Variants in TAF15 observed in about 807,000 individuals in gnomAD.
The protein encoded by TAF15 is TATA-box binding protein associated factor 15, also known as TATA-binding protein-associated factor 2N.
TAF15 carries 37 observed loss-of-function variants against 102.5 expected under a neutral mutation model. The ratio of observed to expected loss-of-function variants is 0.36; its 90% CI spans 0.28 to 0.47. The LOEUF is 0.47. Among genes scored for constraint, TAF15 ranks in the 20% least tolerant of loss-of-function variants. The pLI, the probability that TAF15 is intolerant of heterozygous loss-of-function variation, is 0.99. For synonymous variants in TAF15, 273 were observed against 259.2 expected (o/e 1.05, Z -0.51); for missense variants, 652 against 760.7 (o/e 0.86, Z 1.68).
chr17:35,817,902 G>A, intron 2 of TAF15, 147 bp downstream of exon 2: 3 of 726,528 alleles, frequency 4.1e-6, no homozygotes, highest in Non-Finnish European at 7.2e-6. Flanking sequence ...AATAGGTGCT[G>A]TAAGACATTT....
chr17:35,831,375 C>T (rs1427818062), intron 7 of TAF15, among the ~76,000 whole-genome samples: 1 of 150,498 alleles, frequency 6.6e-6, no homozygotes, highest in Non-Finnish European at 1.5e-5. Context: ...CCACTGCACT[C>T]CAGCCTGGGC....
At chr17:35,816,951 C>T (rs2087203082) in intron 1 of TAF15, 1 of 151,128 alleles carries the variant, frequency 6.6e-6, no homozygotes, top group East Asian at 2.0e-4. Flanking sequence ...TCTCGAGTAG[C>T]TGGGACTACA....
At chr17:35,845,110 T>G in intron 15 of TAF15, 72 bp downstream of exon 15, 1 of 1,595,794 alleles carries the variant, frequency 6.3e-7, no homozygotes, top group Non-Finnish European at 8.6e-7. Context: ...AACCACATTT[T>G]AACAATTTTT....
At chr17:35,817,538 T>C (rs549551764) in intron 1 of TAF15, among the ~76,000 whole-genome samples, 178 bp from the exon 2 acceptor site, 2 of 152,340 alleles carry the variant, frequency 1.3e-5, no homozygotes, top group Admixed American at 1.3e-4. Flanking sequence ...ACGTAGTTAT[T>C]GTAAAAAGTA....
chr17:35,813,194 C>T (rs937737724), intron 1 of TAF15, among the ~76,000 whole-genome samples: 6 of 145,568 alleles, frequency 4.1e-5, no homozygotes, highest in Admixed American at 2.1e-4. Flanking sequence ...TCAAGTAAAA[C>T]GTTTAGAATT....
At chr17:35,843,493 C>T (rs536465170) in intron 12 of TAF15, among the ~76,000 whole-genome samples, 2 of 152,250 alleles carry the variant, frequency 1.3e-5, no homozygotes, top group East Asian at 1.9e-4. Context: ...GTGGATGTTA[C>T]TGTGGCCTTT....
In TAF15 at chr17:35,844,746, C is replaced by G. The variant is rs368600342; in HGVS notation, c.1447C>G (p.Arg483Gly). 3.7e-5 allele frequency: 59 copies of G among 1,605,126 alleles called. No homozygotes were observed. Among genetic ancestry groups the G allele is most frequent in the African/African-American group, 9.6e-5 (7 of 72,664 alleles). ...CCGAGGAGGTGGCTATGGAGGAGAT[C>G]GAGGTGGCTATGGAGGAGACCGAGG... ...GDRGGGYGGDRGGYGGDRGGG... is the reference protein window; with the variant it reads ...GDRGGGYGGDGGGYGGDRGGG... The change falls in exon 15 of 16, where the codon CGA becomes GGA. Residue 483 changes from arginine (R) to glycine (G), a missense_variant. Physicochemically the swap from Arg to Gly is moderately radical, Grantham distance 125 (BLOSUM62 -2). Transcript: ENST00000605844.
chr17:35,814,034 G>A (rs1274021402), intron 1 of TAF15, among the ~76,000 whole-genome samples: 4 of 151,450 alleles, frequency 2.6e-5, no homozygotes, highest in Non-Finnish European at 5.9e-5. Flanking sequence ...TAAGAGTAGC[G>A]GGGACTGACA....
intron 15 of TAF15, among the ~76,000 whole-genome samples, chr17:35,845,814 CTTTA>C (rs376333843): frequency 2.1e-3 from 319 of 152,304 alleles, no homozygotes; most frequent in African/African-American, 7.1e-3. Flanking sequence ...ATTCATAAAT[CTTTA>C]TTTGTTTCGG....
In TAF15 at chr17:35,844,098, G is replaced by A. The variant is rs769954060; in HGVS notation, c.1028G>A (p.Arg343His). 24 of 1,614,028 alleles carry A rather than the reference G, an allele frequency of 1.5e-5. No homozygotes were observed. In the African/African-American group the frequency reaches 1.9e-4, roughly 13 times the overall value. Residue 343 changes from arginine to histidine, a missense_variant, in exon 13 of 16, where the codon CGT becomes CAT. By Grantham distance (29) the Arg-to-His change is conservative. Transcript: ENST00000605844. Reference sequence around the variant, plus strand: ...CTAGGCCGTGGAGGATATAGAGGTCGTGGAGGCTTTCAAGGGAGAGGTGGA... The same window carrying A: ...CTAGGCCGTGGAGGATATAGAGGTCATGGAGGCTTTCAAGGGAGAGGTGGA... Reference protein sequence around the residue: ...GRRGRGGYRGRGGFQGRGGDP... With the variant: ...GRRGRGGYRGHGGFQGRGGDP...
chr17:35,822,632 C>G lies in TAF15; in HGVS notation c.291-8C>G. 1 of 1,612,434 alleles carries G rather than the reference C, an allele frequency of 6.2e-7. No individual in the cohort carries two copies. Among genetic ancestry groups the G allele is most frequent in the Non-Finnish European group, 8.5e-7 (1 of 1,178,992 alleles). ...ATGAAGTCTCTTAAGTTCTCCATTT[C>G]TATTTAGCCAAGGTGGAAGAGCACC... is the stretch of plus-strand genomic sequence containing the variant. On this transcript the variant is annotated splice_polypyrimidine_tract_variant and splice_region_variant and intron_variant, in intron 5 of 15. Coordinates refer to ENST00000605844, the MANE Select transcript of TAF15 (RefSeq NM_139215.3).
Position 35,837,965 on chromosome 17 carries a change from A to G in TAF15, c.784-459A>G, listed in dbSNP as rs377244325. On this transcript the variant is annotated intron_variant, in intron 10 of 15. Transcript: ENST00000605844. ...CACTTTGGGAGGCTGAGGCAGGAGGATCGCTTGAGGCCAAGGGTTTGAGAC... is the reference window on the plus strand; with the variant it reads ...CACTTTGGGAGGCTGAGGCAGGAGGGTCGCTTGAGGCCAAGGGTTTGAGAC... 5.3e-5 allele frequency among the ~76,000 whole-genome samples: 8 copies of G among 151,872 alleles called. No homozygotes were observed. The East Asian group carries it at 1.6e-3, about 30-fold the overall frequency.
chr17:35,819,592 A>G lies in TAF15; in HGVS notation c.48-432A>G, dbSNP rs567565344. 3.3e-5 allele frequency among the ~76,000 whole-genome samples: 5 copies of G among 152,298 alleles called. No individual in the cohort carries two copies. The Middle Eastern group carries it at 0.01, about 311-fold the overall frequency. ...AGTTAAAGCCATTTAACTAAGGCAAATGGTGGGAAAAAATTAATCTGTCAA... is the reference window on the plus strand; with the variant it reads ...AGTTAAAGCCATTTAACTAAGGCAAGTGGTGGGAAAAAATTAATCTGTCAA... On this transcript the variant is annotated intron_variant, in intron 2 of 15. Transcript: ENST00000605844.
intron 11 of TAF15, among the ~76,000 whole-genome samples, chr17:35,841,460 A>G (rs912937454): frequency 2.6e-5 from 4 of 151,882 alleles, no homozygotes; most frequent in African/African-American, 9.7e-5. Context: ...GGGAACAGGT[A>G]GACATGTGCA....
At chr17:35,841,340 G>A (rs972852773) in intron 11 of TAF15, among the ~76,000 whole-genome samples, 2 of 152,122 alleles carry the variant, frequency 1.3e-5, no homozygotes, top group East Asian at 3.8e-4. Context: ...ACTTGCGCAC[G>A]TATTCATTCC....
chr17:35,844,016 C>T, intron 12 of TAF15, 61 bp from the exon 13 acceptor site: 1 of 1,432,788 alleles, frequency 7.0e-7, no homozygotes, highest in East Asian at 2.3e-5. Flanking sequence ...TTATCTGATG[C>T]TTTTCTTCTG....
intron 10 of TAF15, among the ~76,000 whole-genome samples, chr17:35,837,108 A>G (rs1030383001): frequency 1.3e-5 from 2 of 151,646 alleles, no homozygotes; most frequent in African/African-American, 4.8e-5. Flanking sequence ...GGGAGTTATA[A>G]TTTGTTAAGG....
chr17:35,840,696 T>C (rs898132357), intron 11 of TAF15, among the ~76,000 whole-genome samples: 2 of 151,868 alleles, frequency 1.3e-5, no homozygotes, highest in Admixed American at 6.6e-5. Context: ...AAATCCCATC[T>C]CTACTAAAAA....
intron 7 of TAF15, among the ~76,000 whole-genome samples, chr17:35,824,502 C>T (rs2087302743): frequency 6.6e-6 from 1 of 152,052 alleles, no homozygotes; most frequent in Non-Finnish European, 1.5e-5. Flanking sequence ...AATCTTAACT[C>T]CTTTAAAAGA....
Sources: gnomAD v4.1 joint callset for allele counts (sites outside exome capture counted in the v4.1 genomes callset) on GRCh38, gnomAD v4.1.1 for gene constraint, MANE v1.5 for transcripts, NCBI Gene and HGNC (gene_info 2026-07-23, HGNC 2026-07-21) for gene names.